The following PACSIN2 variants were observed in gnomAD, a reference collection of about 807,000 sequenced individuals.
The protein encoded by PACSIN2 is protein kinase C and casein kinase substrate in neurons protein 2.
Under a neutral mutation model 63.8 loss-of-function variants are expected in PACSIN2, and 25 were observed. That is an observed-to-expected ratio of 0.39 (90% CI 0.29 to 0.55). The LOEUF is 0.55. PACSIN2 is among the 20% of genes least tolerant of loss of function. The probability of loss-of-function intolerance (pLI) is 0.62; values close to 1 mark genes in which losing one functional copy is unlikely to be tolerated. For synonymous variants in PACSIN2, 255 were observed against 256.2 expected, an observed-to-expected ratio of 1.00 and a Z score of 0.05; for missense variants, 518 against 646.9, an observed-to-expected ratio of 0.80 and a Z score of 2.16.
chr22:42,907,007 C>T (rs74414479), intron 2 of PACSIN2, among the ~76,000 whole-genome samples: 11,065 of 152,270 alleles, frequency 0.073, 531 homozygotes, highest in Non-Finnish European at 0.11. Context: ...TGCCCAAGCC[C>T]GCCCGGAGCA....
intron 1 of PACSIN2, among the ~76,000 whole-genome samples, chr22:42,921,472 G>A (rs1406141874): frequency 6.6e-6 from 1 of 152,088 alleles, no homozygotes; most frequent in Non-Finnish European, 1.5e-5. Flanking sequence ...ACAGAGATGT[G>A]GCCACTCTCC....
rs373959797 is a variant in PACSIN2 at position 42,890,991 on chromosome 22, C to T, written c.409G>A (p.Gly137Ser). Reference sequence around the variant, plus strand: ...CAGGGCTTCTGTGCCTTCCGAAAGCCGTCCTCAGCTTCCTTGGTCTCCTTG... The same window carrying T: ...CAGGGCTTCTGTGCCTTCCGAAAGCTGTCCTCAGCTTCCTTGGTCTCCTTG... Reference protein sequence around the residue: ...GFKETKEAEDGFRKAQKPWAK... With the variant: ...GFKETKEAEDSFRKAQKPWAK... Residue 137 changes from glycine (G) to serine (S), a missense_variant, in exon 4 of 11, where the codon GGC becomes AGC. Coordinates refer to ENST00000263246, the MANE Select transcript of PACSIN2 (RefSeq NM_001184970.3). 35 of 1,614,176 alleles carry T rather than the reference C, an allele frequency of 2.2e-5. No individual in the cohort carries two copies. The highest frequency in any genetic ancestry group is 2.1e-4 in the African/African-American group (16 of 75,030).
intron 1 of PACSIN2, among the ~76,000 whole-genome samples, chr22:42,928,091 C>T (rs980858011): frequency 6.6e-6 from 1 of 152,158 alleles, no homozygotes; most frequent in Non-Finnish European, 1.5e-5. Flanking sequence ...GTTGAAGAAC[C>T]TCTGGATACA....
At chr22:42,878,038 C>T (rs977694922) in intron 8 of PACSIN2, among the ~76,000 whole-genome samples, 14 of 152,238 alleles carry the variant, frequency 9.2e-5, no homozygotes, top group Non-Finnish European at 2.1e-4. Flanking sequence ...AGGCCAATAT[C>T]CAGGCCACAT....
chr22:42,970,162 T>C (rs1921144576), intron 1 of PACSIN2, among the ~76,000 whole-genome samples: 1 of 152,144 alleles, frequency 6.6e-6, no homozygotes, highest in South Asian at 2.1e-4. Flanking sequence ...ATCAGCAATC[T>C]TTTGGGGAAC....
At chr22:43,010,034 T>C (rs1277945703) in intron 1 of PACSIN2, among the ~76,000 whole-genome samples, 3 of 151,740 alleles carry the variant, frequency 2.0e-5, no homozygotes, top group African/African-American at 7.3e-5. Context: ...CATACCCGAC[T>C]AATTTTTGTA....
intron 1 of PACSIN2, among the ~76,000 whole-genome samples, chr22:42,981,416 G>A (rs1344387884): frequency 3.9e-5 from 5 of 128,266 alleles, no homozygotes; most frequent in Admixed American, 7.6e-5. Context: ...GCCTCTGCCC[G>A]GCCGCCCCTA....
intron 9 of PACSIN2, among the ~76,000 whole-genome samples, chr22:42,876,536 C>T (rs2080805678): frequency 2.0e-5 from 3 of 152,212 alleles, no homozygotes; most frequent in South Asian, 4.1e-4. Flanking sequence ...CAGGGGCAGG[C>T]GGCTGGAGAT....
intron 1 of PACSIN2, among the ~76,000 whole-genome samples, chr22:42,963,882 G>A (rs1228384707): frequency 6.6e-6 from 1 of 150,826 alleles, no homozygotes; most frequent in Non-Finnish European, 1.5e-5. Flanking sequence ...GTCTGTCATC[G>A]CTCTAATACT....
intron 1 of PACSIN2, among the ~76,000 whole-genome samples, chr22:42,994,990 C>A (rs567269381): frequency 6.6e-6 from 1 of 152,350 alleles, no homozygotes; most frequent in South Asian, 2.1e-4. Flanking sequence ...CCCGTTTAGA[C>A]TGGAAATTCC....
chr22:42,952,504 GC>G (rs975754197), intron 1 of PACSIN2, among the ~76,000 whole-genome samples: 2 of 151,214 alleles, frequency 1.3e-5, no homozygotes, highest in African/African-American at 4.9e-5. Context: ...GACTTTAGGC[GC>G]GCACCACCAC....
Position 42,882,116 on chromosome 22 carries a change from A to T in PACSIN2, c.906+68T>A, listed in dbSNP as rs1041038393. 3 of 1,550,952 alleles carry T rather than the reference A, an allele frequency of 1.9e-6. No homozygotes were observed. The African/African-American group carries it at 4.1e-5, about 21-fold the overall frequency. ...TAGAGTCTAGAATGAGAAAGACATC[A>T]TCTAGCAACTCTGTGGGCCCAGGTC... On this transcript the variant is annotated intron_variant, in intron 7 of 10. Transcript: ENST00000263246.
chr22:42,883,507 G>C (rs774076482), intron 6 of PACSIN2, among the ~76,000 whole-genome samples: 7 of 152,196 alleles, frequency 4.6e-5, no homozygotes, highest in Admixed American at 2.0e-4. Context: ...CCTGGTGAAG[G>C]CATCACAGAA....
chr22:43,001,720 AC>A (rs1049662804), intron 1 of PACSIN2, among the ~76,000 whole-genome samples: 2 of 152,228 alleles, frequency 1.3e-5, no homozygotes, highest in African/African-American at 4.8e-5. Flanking sequence ...GATAAGAGGA[AC>A]CAAGAAAAGT....
At chr22:43,003,250 A>G (rs548183779) in intron 1 of PACSIN2, among the ~76,000 whole-genome samples, 6 of 152,328 alleles carry the variant, frequency 3.9e-5, no homozygotes, top group East Asian at 1.9e-4. Context: ...TCAATTTTTA[A>G]AAGATTTAAA....
At chr22:42,908,808 T>C (rs1931255228) in intron 2 of PACSIN2, among the ~76,000 whole-genome samples, 1 of 152,082 alleles carries the variant, frequency 6.6e-6, no homozygotes, top group Non-Finnish European at 1.5e-5. Context: ...TTCTACTTGT[T>C]CCCAATTCTT....
At chr22:42,899,694 G>A (rs1002874335) in intron 2 of PACSIN2, among the ~76,000 whole-genome samples, 4 of 152,214 alleles carry the variant, frequency 2.6e-5, no homozygotes, top group African/African-American at 9.7e-5. Context: ...TCTGGGCTTA[G>A]ATTCCCATAG....
At chr22:42,916,522 G>A (rs1460641756) in intron 1 of PACSIN2, among the ~76,000 whole-genome samples, 1 of 152,022 alleles carries the variant, frequency 6.6e-6, no homozygotes, top group Non-Finnish European at 1.5e-5. Context: ...AGCAGCAGGG[G>A]CCCTGTCCAA....
At chr22:42,887,619 C>A (rs1440501399) in intron 5 of PACSIN2, among the ~76,000 whole-genome samples, 2 of 152,174 alleles carry the variant, frequency 1.3e-5, no homozygotes, top group Non-Finnish European at 2.9e-5. Context: ...TCACACCCCC[C>A]AGCCCTCACC....
Sources: allele counts gnomAD v4.1 joint callset (sites outside exome capture counted in the v4.1 genomes callset), GRCh38; gene constraint gnomAD v4.1.1; transcripts MANE v1.5; gene names NCBI Gene and HGNC (gene_info 2026-07-23, HGNC 2026-07-21).